CALN1: variants seen among roughly 807,000 people sequenced by gnomAD.
CALN1 encodes the protein calneuron 1.
Under a neutral mutation model 30.6 loss-of-function variants are expected in CALN1, and 17 were observed. The ratio of observed to expected loss-of-function variants is 0.56; its 90% CI spans 0.38 to 0.83. CALN1 has a LOEUF of 0.83. Among genes scored for constraint, CALN1 ranks in the 40% least tolerant of loss-of-function variants. CALN1 has a pLI of 0.00. For synonymous variants in CALN1, 156 were observed against 131.4 expected (o/e 1.19, Z -1.28); for missense variants, 291 against 354.9 (o/e 0.82, Z 1.45).
chr7:72,108,011 A>G (rs922028896), intron 3 of CALN1, among the ~76,000 whole-genome samples: 7 of 152,198 alleles, frequency 4.6e-5, no homozygotes, highest in African/African-American at 1.7e-4. Flanking sequence ...ATTTAAGACA[A>G]TAGAAATCTA....
intron 3 of CALN1, among the ~76,000 whole-genome samples, chr7:72,140,262 C>A (rs1436018909): frequency 7.4e-6 from 1 of 134,500 alleles, no homozygotes; most frequent in Non-Finnish European, 1.6e-5. Context: ...CAGAGTGAGA[C>A]CTTGTCTCAA....
chr7:72,273,421 CA>C (rs71069048), intron 3 of CALN1, among the ~76,000 whole-genome samples: 96 of 94,530 alleles, frequency 1.0e-3, no homozygotes, highest in African/African-American at 2.7e-3. Context: ...GACTCCATCT[CA>C]AAAAAAAAAA....
At chr7:72,314,133 G>T (rs143622586) in intron 2 of CALN1, among the ~76,000 whole-genome samples, 14 of 152,230 alleles carry the variant, frequency 9.2e-5, no homozygotes, top group Non-Finnish European at 1.3e-4. Flanking sequence ...GTCGACTGAG[G>T]GCAAGGAGGG....
At chr7:72,087,328 T>C (rs1304354908) in intron 4 of CALN1, among the ~76,000 whole-genome samples, 1 of 152,294 alleles carries the variant, frequency 6.6e-6, no homozygotes, top group East Asian at 1.9e-4. Flanking sequence ...GGTCAGGGGT[T>C]TGAGACCAGC....
chr7:72,214,207 C>T (rs563770521), intron 3 of CALN1, among the ~76,000 whole-genome samples: 2 of 152,340 alleles, frequency 1.3e-5, no homozygotes, highest in Non-Finnish European at 2.9e-5. Flanking sequence ...AGGCTGGGTG[C>T]AGTGGCTCAC....
intron 1 of CALN1, among the ~76,000 whole-genome samples, chr7:72,409,303 CTT>C (rs1806942523): frequency 6.6e-6 from 1 of 151,860 alleles, no homozygotes; most frequent in South Asian, 2.1e-4. Flanking sequence ...CCAGCATACT[CTT>C]AAATGGACCT....
intron 5 of CALN1, among the ~76,000 whole-genome samples, chr7:71,900,492 AG>A (rs1282864550): frequency 6.6e-6 from 1 of 152,254 alleles, no homozygotes; most frequent in Non-Finnish European, 1.5e-5. Context: ...TAGAAGAATT[AG>A]TAGCAGTTCT....
At chr7:72,405,250 G>A (rs1009382006) in intron 1 of CALN1, among the ~76,000 whole-genome samples, 4 of 152,176 alleles carry the variant, frequency 2.6e-5, no homozygotes, top group African/African-American at 7.2e-5. Flanking sequence ...CATGTGCAAC[G>A]CACCCATGCA....
At chr7:71,866,691 C>T (rs1005443453) in intron 5 of CALN1, among the ~76,000 whole-genome samples, 7 of 152,040 alleles carry the variant, frequency 4.6e-5, no homozygotes, top group Non-Finnish European at 1.0e-4. Context: ...TAGAGATGGT[C>T]CAGGTAAACT....
At chr7:71,888,280 G>T (rs1213689398) in intron 5 of CALN1, among the ~76,000 whole-genome samples, 2 of 151,954 alleles carry the variant, frequency 1.3e-5, no homozygotes, top group African/African-American at 4.8e-5. Flanking sequence ...CTGCTAATGG[G>T]CGTGGGTTTA....
At chr7:72,415,445 ATGAG>A (rs1439657790), upstream of CALN1, among the ~76,000 whole-genome samples, 5 of 152,244 alleles carry the variant, frequency 3.3e-5, no homozygotes, top group African/African-American at 9.6e-5. Flanking sequence ...CATTGTTGCT[ATGAG>A]TGAGTATGGC....
intron 5 of CALN1, among the ~76,000 whole-genome samples, chr7:71,887,454 C>A (rs186672644): frequency 1.3e-5 from 2 of 152,240 alleles, no homozygotes; most frequent in African/African-American, 2.4e-5. Context: ...CGTCACCACG[C>A]CTGGCTAATT....
At chr7:72,465,143 A>C in the CALN1 span, among the ~76,000 whole-genome samples, 2 of 152,158 alleles carry the variant, frequency 1.3e-5, no homozygotes, top group African/African-American at 2.4e-5. Flanking sequence ...AGAAAGAGGA[A>C]AGAATTCAGA....
chr7:72,207,425 T>C (rs1791971003), intron 3 of CALN1, among the ~76,000 whole-genome samples: 1 of 152,148 alleles, frequency 6.6e-6, no homozygotes, highest in Non-Finnish European at 1.5e-5. Context: ...TTTATTTTCT[T>C]GAGAGCACTT....
At chr7:71,822,053 G>A (rs1788625514) in intron 5 of CALN1, among the ~76,000 whole-genome samples, 1 of 151,914 alleles carries the variant, frequency 6.6e-6, no homozygotes, top group South Asian at 2.1e-4. Flanking sequence ...ACAGGTGTGA[G>A]CTACCACACC....
At chr7:71,852,487 A>AAG (rs1295235437) in intron 5 of CALN1, among the ~76,000 whole-genome samples, 6 of 151,692 alleles carry the variant, frequency 4.0e-5, no homozygotes, top group African/African-American at 1.5e-4. Context: ...AAAAAAAAAA[A>AAG]AAAAATCTTA....
In CALN1 at chr7:72,384,381, C is replaced by CA. The variant is rs1161116548; in HGVS notation, c.119+18869dup. ...CTGCTGGAACAACTGAATGATCGTA[C>CA]ACAAAGAAATGAACCTTTAAAAAGG... On this transcript the variant is annotated intron_variant, in intron 2 of 6. Transcript: ENST00000395275. Among the ~76,000 whole-genome samples the CA allele has an allele frequency of 2.6e-4, 40 of 152,008 alleles. 1 individual carries two copies. Among genetic ancestry groups the CA allele is most frequent in the Admixed American group, 1.7e-3 (26 of 15,260 alleles).
At chr7:72,338,116 A>G (rs1562903348) in intron 2 of CALN1, among the ~76,000 whole-genome samples, 1 of 152,116 alleles carries the variant, frequency 6.6e-6, no homozygotes, top group Non-Finnish European at 1.5e-5. Flanking sequence ...TGGGTCTCAG[A>G]CTGTCCCGTA....
At chr7:71,820,460 C>G (rs1484536471) in intron 5 of CALN1, among the ~76,000 whole-genome samples, 1 of 152,210 alleles carries the variant, frequency 6.6e-6, no homozygotes, top group Non-Finnish European at 1.5e-5. Context: ...TTGTATTTGG[C>G]TCAGAATAAA....
Sources: allele counts gnomAD v4.1 joint callset (sites outside exome capture counted in the v4.1 genomes callset), GRCh38; gene constraint gnomAD v4.1.1; transcripts MANE v1.5; gene names NCBI Gene and HGNC (gene_info 2026-07-23, HGNC 2026-07-21).